CCR2: variants seen among roughly 807,000 people sequenced by gnomAD.
CCR2 encodes C-C chemokine receptor type 2.
For missense variants in CCR2, 408 were observed against 440.0 expected, an observed-to-expected ratio of 0.93 and a Z score of 0.65; for synonymous variants, 183 against 177.1, an observed-to-expected ratio of 1.03 and a Z score of -0.27.
At position 46,359,474 on chromosome 3, in the gene CCR2, A is replaced by C. The variant is rs2106724606; in HGVS notation, c.*864A>C. Reference sequence around the variant, plus strand: ...TAGTGATTATGAGAAGGGGGTGGAGAATGATGAGTTCCTTCACCAGGAGCA... The same window carrying C: ...TAGTGATTATGAGAAGGGGGTGGAGCATGATGAGTTCCTTCACCAGGAGCA... On this transcript the variant is annotated 3_prime_UTR_variant, in exon 2 of 2. Coordinates refer to ENST00000445132, the MANE Select transcript of CCR2 (RefSeq NM_001123396.4). The C allele has an allele frequency of 9.7e-7, 1 of 1,030,988 alleles. No homozygotes were observed. The highest frequency in any genetic ancestry group is 2.8e-5 in the East Asian group (1 of 35,398). 63.9% of individuals were successfully genotyped at this position (1,030,988 alleles called of 1,614,324 possible).
At position 46,357,611 on chromosome 3, in the gene CCR2, C is replaced by T. The variant is rs201767110; in HGVS notation, c.84C>T (p.Tyr28=). ...TCACCACCTTTTTTGATTATGATTA[C>T]GGTGCTCCCTGTCATAAATTTGACG... is the stretch of plus-strand genomic sequence containing the variant. ...EEVTTFFDYD[Y]GAPCHKFDVK... is the part of the protein sequence containing the mutation. Residue 28 remains tyrosine, a synonymous_variant, in exon 2 of 2, where the codon TAC becomes TAT. Transcript: ENST00000445132. 1.5e-5 allele frequency: 25 copies of T among 1,614,068 alleles called. No individual in the cohort carries two copies. The highest frequency in any genetic ancestry group is 8.0e-5 in the African/African-American group (6 of 75,020).
rs758836764 is a variant in CCR2, at chr3:46,359,783, C to T, written c.*1173C>T. 1.9e-6 allele frequency: 3 copies of T among 1,614,116 alleles called. No individual in the cohort carries two copies. Among genetic ancestry groups the T allele is most frequent in the South Asian group, 1.1e-5 (1 of 91,082 alleles). On this transcript the variant is annotated 3_prime_UTR_variant, in exon 2 of 2. Coordinates refer to ENST00000445132, the MANE Select transcript of CCR2 (RefSeq NM_001123396.4). ...GAATGTGAAAGTGACTACACAAGGA[C>T]TCCTCGATGGTCGTGGAAAAGGAAA...
chr3:46,359,360 A>G lies in CCR2; in HGVS notation c.*750A>G. On this transcript the variant is annotated 3_prime_UTR_variant, in exon 2 of 2. Coordinates refer to ENST00000445132, the MANE Select transcript of CCR2 (RefSeq NM_001123396.4). ...ATCCCCCTGTCTAAAAATTCAGAAAATTTTTGTTTATAAAAGATGCATTAT... is the reference window on the plus strand; with the variant it reads ...ATCCCCCTGTCTAAAAATTCAGAAAGTTTTTGTTTATAAAAGATGCATTAT... 9.5e-7 allele frequency: 1 copy of G among 1,051,222 alleles called. No homozygotes were observed. Among genetic ancestry groups the G allele is most frequent in the Non-Finnish European group, 1.2e-6 (1 of 867,610 alleles). The allele number at this position is 1,051,222 out of a possible 1,614,324, so 65.1% of individuals were successfully genotyped here. A position where few individuals can be genotyped will look rare whatever the true frequency, so the allele number is the denominator to read the frequency against.
chr3:46,357,335 A>G (rs902562379), intron 1 of CCR2, 142 bp from the exon 2 acceptor site: 1 of 615,934 alleles, frequency 1.6e-6, no homozygotes, highest in Non-Finnish European at 2.8e-6. Flanking sequence ...CAAATCAGGA[A>G]CTGGCACACA....
At position 46,357,472 on chromosome 3, in the gene CCR2, T is replaced by C. The variant is rs1701473834; in HGVS notation, c.-51-5T>C. The C allele has an allele frequency of 6.4e-7, 1 of 1,559,220 alleles. No homozygotes were observed. The highest frequency in any genetic ancestry group is 8.8e-7 in the Non-Finnish European group (1 of 1,142,186). On this transcript the variant is annotated splice_region_variant and splice_polypyrimidine_tract_variant and intron_variant, in intron 1 of 1. Coordinates refer to ENST00000445132, the MANE Select transcript of CCR2 (RefSeq NM_001123396.4). ...TGTGGTCATCATTTTGTTCTTTGTT[T>C]ACAGAACAGAGAAAGTGGATTGAAC... is the stretch of plus-strand genomic sequence containing the variant.
In CCR2 at chr3:46,357,479, C is replaced by G. The variant is rs767814989; in HGVS notation, c.-49C>G. ...ATCATTTTGTTCTTTGTTTACAGAA[C>G]AGAGAAAGTGGATTGAACAAGGACG... On this transcript the variant is annotated splice_region_variant and 5_prime_UTR_variant, in exon 2 of 2. Transcript: ENST00000445132. 10 of 1,579,254 alleles carry G rather than the reference C, an allele frequency of 6.3e-6. No individual in the cohort carries two copies. In the South Asian group the frequency reaches 1.2e-4, roughly 18 times the overall value.
chr3:46,355,580 T>C (rs530798302), intron 1 of CCR2, among the ~76,000 whole-genome samples: 1 of 152,140 alleles, frequency 6.6e-6, no homozygotes, highest in South Asian at 2.1e-4. Flanking sequence ...TAAGAGAAGA[T>C]AGGTTGAGAG....
rs1031564546 is a variant in CCR2, at chr3:46,360,056, CT to C, written c.*1453del. 6.3e-5 allele frequency: 33 copies of C among 523,898 alleles called. No homozygotes were observed. Among genetic ancestry groups the C allele is most frequent in the Non-Finnish European group, 9.9e-5 (30 of 303,396 alleles). The allele number at this position is 523,898 out of a possible 1,614,324, so 32.5% of individuals were successfully genotyped here. A position where few individuals can be genotyped will look rare whatever the true frequency, so the allele number is the denominator to read the frequency against. On this transcript the variant is annotated 3_prime_UTR_variant, in exon 2 of 2. Transcript: ENST00000445132. ...TTTGAATACAGGCATAGAGTTCAGA[CT>C]TTTTTTAAATAGTAAAAATAAAATT... is the stretch of plus-strand genomic sequence containing the variant.
chr3:46,356,918 CAAAA>C (rs10544963), intron 1 of CCR2, among the ~76,000 whole-genome samples: 11 of 130,982 alleles, frequency 8.4e-5, no homozygotes, highest in Non-Finnish European at 8.4e-5. Context: ...ACTCCGTCTC[CAAAA>C]AAAAAAAAAA....
Position 46,359,084 on chromosome 3 carries a change from C to A in CCR2, c.*474C>A. The stretch of plus-strand genomic sequence containing the variant: ...GACAAAGGTGAGCAAAGGGCTCACG[C>A]ATTCAGCCAGGAGATGATACTGGTC... On this transcript the variant is annotated 3_prime_UTR_variant, in exon 2 of 2. Transcript: ENST00000445132. The A allele has an allele frequency of 9.9e-7, 1 of 1,011,920 alleles. No individual in the cohort carries two copies. Among genetic ancestry groups the A allele is most frequent in the Non-Finnish European group, 1.2e-6 (1 of 836,898 alleles). The allele number at this position is 1,011,920 out of a possible 1,614,324, so 62.7% of individuals were successfully genotyped here. A position where few individuals can be genotyped will look rare whatever the true frequency, so the allele number is the denominator to read the frequency against.
At position 46,359,629 on chromosome 3, in the gene CCR2, G is replaced by C; in HGVS notation, c.*1019G>C. 1 of 1,562,890 alleles carries C rather than the reference G, an allele frequency of 6.4e-7. No homozygotes were observed. Among genetic ancestry groups the C allele is most frequent in the Non-Finnish European group, 8.7e-7 (1 of 1,154,602 alleles). ...ATCTGAGCTGGTTTGTTTTGTGCTT[G>C]CTTTTCCCTGCCTTGCCACTCCCCT... is the stretch of plus-strand genomic sequence containing the variant. On this transcript the variant is annotated 3_prime_UTR_variant, in exon 2 of 2. Transcript: ENST00000445132.
intron 1 of CCR2, among the ~76,000 whole-genome samples, chr3:46,357,206 A>G (rs973003582): frequency 6.6e-6 from 1 of 152,242 alleles, no homozygotes; most frequent in African/African-American, 2.4e-5. Context: ...GGAGCCAGAG[A>G]AAACAAACGC....
chr3:46,357,956 C>T lies in CCR2; in HGVS notation c.429C>T (p.Val143=), dbSNP rs1394879775. The T allele has an allele frequency of 2.5e-6, 4 of 1,614,064 alleles. No individual in the cohort carries two copies. The East Asian group carries it at 8.9e-5, about 36-fold the overall frequency. Residue 143 remains valine, a synonymous_variant, in exon 2 of 2, where the codon GTC becomes GTT. Coordinates refer to ENST00000445132, the MANE Select transcript of CCR2 (RefSeq NM_001123396.4). The stretch of plus-strand genomic sequence containing the variant: ...CAATCGATAGATACCTGGCTATTGT[C>T]CATGCTGTGTTTGCTTTAAAAGCCA... ...LLTIDRYLAI[V]HAVFALKART... is the part of the protein sequence containing the mutation.
Position 46,358,944 on chromosome 3 carries a change from C to A in CCR2, c.*334C>A. 1 of 1,071,124 alleles carries A rather than the reference C, an allele frequency of 9.3e-7. No individual in the cohort carries two copies. The highest frequency in any genetic ancestry group is 1.1e-6 in the Non-Finnish European group (1 of 873,362). The allele number at this position is 1,071,124 out of a possible 1,614,324, so 66.4% of individuals were successfully genotyped here. A position where few individuals can be genotyped will look rare whatever the true frequency, so the allele number is the denominator to read the frequency against. On this transcript the variant is annotated 3_prime_UTR_variant, in exon 2 of 2. Transcript: ENST00000445132. Reference sequence around the variant, plus strand: ...CTGTCAATGTCTTGAAATCAAGGGCCAGCTGGAGGTGAAGAAGAGAATGTG... The same window carrying A: ...CTGTCAATGTCTTGAAATCAAGGGCAAGCTGGAGGTGAAGAAGAGAATGTG...
intron 1 of CCR2, among the ~76,000 whole-genome samples, chr3:46,356,160 T>A (rs1701448081): frequency 6.6e-6 from 1 of 152,202 alleles, no homozygotes; most frequent in Admixed American, 6.5e-5. Flanking sequence ...GAGATATGCA[T>A]CAGGCAATGG....
At position 46,359,410 on chromosome 3, in the gene CCR2, T is replaced by C; in HGVS notation, c.*800T>C. 9.2e-7 allele frequency: 1 copy of C among 1,092,466 alleles called. No individual in the cohort carries two copies. The highest frequency in any genetic ancestry group is 4.4e-5 in the East Asian group (1 of 22,666). The allele number at this position is 1,092,466 out of a possible 1,614,324, so 67.7% of individuals were successfully genotyped here. The stretch of plus-strand genomic sequence containing the variant: ...TCTATGATATGCTAATATATGTATA[T>C]GCAATATATATAGGCTCTTGCTTGA... On this transcript the variant is annotated 3_prime_UTR_variant, in exon 2 of 2. Transcript: ENST00000445132.
chr3:46,358,282 ACTTT>A lies in CCR2; in HGVS notation c.758_761del (p.Phe253SerfsTer12). ...GTCATCTTCACCATCATGATTGTTTACTTTCTCTTCTGGACTCCCTATAATATTG... is the reference window on the plus strand; with the variant it reads ...GTCATCTTCACCATCATGATTGTTTACTCTTCTGGACTCCCTATAATATTG... On this transcript the variant is annotated frameshift_variant, in exon 2 of 2. Coordinates refer to ENST00000445132, the MANE Select transcript of CCR2 (RefSeq NM_001123396.4). LOFTEE classifies it low-confidence loss of function (END_TRUNC). The A allele has an allele frequency of 6.2e-7, 1 of 1,614,166 alleles. No homozygotes were observed. Among genetic ancestry groups the A allele is most frequent in the Non-Finnish European group, 8.5e-7 (1 of 1,180,024 alleles).
At position 46,358,615 on chromosome 3, in the gene CCR2, A is replaced by T. The variant is rs1287035719; in HGVS notation, c.*5A>T. On this transcript the variant is annotated 3_prime_UTR_variant, in exon 2 of 2. Coordinates refer to ENST00000445132, the MANE Select transcript of CCR2 (RefSeq NM_001123396.4). Reference sequence around the variant, plus strand: ...GAAGTCTCGGCTGGTTTATAAAACGAGGAGCAGTTTGATTGTTGTTTATAA... The same window carrying T: ...GAAGTCTCGGCTGGTTTATAAAACGTGGAGCAGTTTGATTGTTGTTTATAA... The T allele has an allele frequency of 1.9e-6, 3 of 1,561,780 alleles. No individual in the cohort carries two copies. In the South Asian group the frequency reaches 3.5e-5, roughly 18 times the overall value.
chr3:46,357,924 C>T lies in CCR2; in HGVS notation c.397C>T (p.Leu133Phe). The change falls in exon 2 of 2, where the codon CTC (leucine) becomes TTC (phenylalanine). Residue 133 changes from leucine to phenylalanine, a missense_variant. By Grantham distance (22) the Leu-to-Phe change is conservative. Transcript: ENST00000445132. ...GYFGGIFFII[L>F]LTIDRYLAIV... ...TTTTGGCGGAATCTTCTTCATCATCCTCCTGACAATCGATAGATACCTGGC... is the reference window on the plus strand; with the variant it reads ...TTTTGGCGGAATCTTCTTCATCATCTTCCTGACAATCGATAGATACCTGGC... 4.3e-6 allele frequency: 7 copies of T among 1,614,204 alleles called. No individual in the cohort carries two copies. The highest frequency in any genetic ancestry group is 3.3e-4 in the Middle Eastern group (2 of 6,062).
Sources: allele counts gnomAD v4.1 joint callset (sites outside exome capture counted in the v4.1 genomes callset), GRCh38; gene constraint gnomAD v4.1.1; transcripts MANE v1.5; gene names NCBI Gene and HGNC (gene_info 2026-07-23, HGNC 2026-07-21).